The following STXBP5L variants were observed in gnomAD, a reference collection of about 807,000 sequenced individuals.
STXBP5L encodes the protein syntaxin-binding protein 5-like.
A neutral mutation model predicts 144.5 loss-of-function variants in STXBP5L; 65 were observed. The observed-to-expected ratio is 0.45, with a 90% CI of 0.37 to 0.55. The LOEUF (loss-of-function observed/expected upper bound fraction) is 0.55. STXBP5L is among the 20% of genes least tolerant of loss of function. The pLI is 0.00. For missense variants in STXBP5L, 1,298 were observed against 1,405.5 expected, an observed-to-expected ratio of 0.92 and a Z score of 1.22; for synonymous variants, 505 against 469.6, an observed-to-expected ratio of 1.08 and a Z score of -0.97.
In STXBP5L at chr3:121,142,581, A is replaced by G. The variant is rs558160859; in HGVS notation, c.670-9896A>G. On this transcript the variant is annotated intron_variant, in intron 7 of 26. Coordinates refer to ENST00000471454, the MANE Select transcript of STXBP5L (RefSeq NM_001308330.2). Reference sequence around the variant, plus strand: ...TTTCTGACCACAATGTAATAAAACTAGAAATCAATAGTGGAAGAAAACTCC... The same window carrying G: ...TTTCTGACCACAATGTAATAAAACTGGAAATCAATAGTGGAAGAAAACTCC... Among the ~76,000 whole-genome samples the G allele has an allele frequency of 3.3e-5, 5 of 152,138 alleles. No homozygotes were observed. In the East Asian group the frequency reaches 9.6e-4, roughly 29 times the overall value.
chr3:121,185,220 G>A (rs1309212415), intron 9 of STXBP5L, among the ~76,000 whole-genome samples: 1 of 152,184 alleles, frequency 6.6e-6, no homozygotes, highest in African/African-American at 2.4e-5. Flanking sequence ...TGAGTAGATT[G>A]CAAAAATTGT....
chr3:120,957,071 C>A (rs1170045514), intron 3 of STXBP5L, among the ~76,000 whole-genome samples: 2 of 151,914 alleles, frequency 1.3e-5, no homozygotes, highest in African/African-American at 4.8e-5. Flanking sequence ...CATTTGTTGA[C>A]AAGACTGTCT....
chr3:121,058,068 C>T (rs1468992295), intron 5 of STXBP5L, among the ~76,000 whole-genome samples: 3 of 152,098 alleles, frequency 2.0e-5, no homozygotes, highest in Admixed American at 6.6e-5. Flanking sequence ...TGGTGGTTTG[C>T]TGCACTCATC....
At chr3:121,174,004 C>T (rs2108073617) in intron 9 of STXBP5L, among the ~76,000 whole-genome samples, 1 of 152,122 alleles carries the variant, frequency 6.6e-6, no homozygotes, top group Non-Finnish European at 1.5e-5. Flanking sequence ...ATGCAATATG[C>T]TGGAGAGATG....
chr3:121,279,499 G>A (rs1247226624), intron 18 of STXBP5L, among the ~76,000 whole-genome samples: 1 of 151,862 alleles, frequency 6.6e-6, no homozygotes, highest in East Asian at 1.9e-4. Flanking sequence ...AAGGTTTTGT[G>A]TGATTCTTCT....
chr3:120,978,842 G>T lies in STXBP5L; in HGVS notation c.287+23805G>T, dbSNP rs560165211. Reference sequence around the variant, plus strand: ...CCTGTTTGCCTCGGTATCAGCAGCGGTGGCTGCAGAACAGCAGATTTTCGT... The same window carrying T: ...CCTGTTTGCCTCGGTATCAGCAGCGTTGGCTGCAGAACAGCAGATTTTCGT... On this transcript the variant is annotated intron_variant, in intron 3 of 26. Coordinates refer to ENST00000471454, the MANE Select transcript of STXBP5L (RefSeq NM_001308330.2). Among the ~76,000 whole-genome samples, 36 of 152,298 alleles carry T rather than the reference G, an allele frequency of 2.4e-4. 2 individuals carry two copies. Among genetic ancestry groups the T allele is most frequent in the Admixed American group, 2.2e-3 (33 of 15,298 alleles).
intron 5 of STXBP5L, among the ~76,000 whole-genome samples, chr3:121,090,392 A>G (rs751567738): frequency 2.5e-4 from 38 of 152,276 alleles, no homozygotes; most frequent in Non-Finnish European, 5.3e-4. Context: ...ACAAGGAAGA[A>G]TAAGAGTACC....
chr3:121,260,659 C>T (rs775689279), intron 18 of STXBP5L, among the ~76,000 whole-genome samples: 2 of 151,940 alleles, frequency 1.3e-5, no homozygotes, highest in African/African-American at 4.8e-5. Context: ...TTCCTGAATA[C>T]TTCATCTTTC....
At chr3:121,303,856 C>T (rs1177802700) in intron 19 of STXBP5L, among the ~76,000 whole-genome samples, 2 of 151,890 alleles carry the variant, frequency 1.3e-5, no homozygotes, top group Admixed American at 1.3e-4. Flanking sequence ...GGAAGGGGAA[C>T]ATCACACCCC....
intron 6 of STXBP5L, among the ~76,000 whole-genome samples, chr3:121,119,631 C>A (rs1362866480): frequency 6.6e-6 from 1 of 151,074 alleles, no homozygotes; most frequent in Non-Finnish European, 1.5e-5. Flanking sequence ...AATCCAAAGT[C>A]CACAGATGCT....
intron 20 of STXBP5L, among the ~76,000 whole-genome samples, chr3:121,359,981 T>TAC (rs2045655787): frequency 2.1e-5 from 1 of 47,500 alleles, no homozygotes; most frequent in Non-Finnish European, 5.2e-5. Flanking sequence ...TATAATATAA[T>TAC]ATATATAATA....
intron 19 of STXBP5L, among the ~76,000 whole-genome samples, chr3:121,313,757 G>A (rs1178153372): frequency 6.7e-5 from 9 of 134,752 alleles, no homozygotes; most frequent in African/African-American, 8.4e-5. Flanking sequence ...CCTCCCTCCC[G>A]GACGGGGTGG....
At chr3:120,958,485 T>C (rs948840940) in intron 3 of STXBP5L, among the ~76,000 whole-genome samples, 2 of 148,378 alleles carry the variant, frequency 1.3e-5, no homozygotes, top group African/African-American at 2.5e-5. Context: ...GTATCCCTGA[T>C]GAAGATCAAT....
chr3:121,325,774 C>A (rs1203865135), intron 20 of STXBP5L, among the ~76,000 whole-genome samples: 1 of 151,806 alleles, frequency 6.6e-6, no homozygotes, highest in Non-Finnish European at 1.5e-5. Flanking sequence ...TTAAAGCAAA[C>A]AAGGTATTTT....
In STXBP5L at chr3:121,413,129, G is replaced by T. The variant is rs1391386678; in HGVS notation, c.2949-29G>T. 2.0e-6 allele frequency: 3 copies of T among 1,521,122 alleles called. No individual in the cohort carries two copies. In the South Asian group the frequency reaches 4.1e-5, roughly 21 times the overall value. 94.2% of individuals were successfully genotyped at this position (1,521,122 alleles called of 1,614,324 possible). A position where few individuals can be genotyped will look rare whatever the true frequency, so the allele number is the denominator to read the frequency against. The stretch of plus-strand genomic sequence containing the variant: ...TATCTGCTTCTAACAACCTGCATAT[G>T]ATATATGGATTTACTTTTTTCCATT... On this transcript the variant is annotated intron_variant, in intron 23 of 26. Coordinates refer to ENST00000471454, the MANE Select transcript of STXBP5L (RefSeq NM_001308330.2).
chr3:121,286,781 GA>G (rs1480846657), intron 19 of STXBP5L, among the ~76,000 whole-genome samples: 20 of 151,340 alleles, frequency 1.3e-4, no homozygotes, highest in Admixed American at 9.9e-4. Context: ...CCCCAAAATA[GA>G]CAAAATAAAT....
At chr3:121,135,546 A>G (rs185162066) in intron 7 of STXBP5L, among the ~76,000 whole-genome samples, 2 of 152,272 alleles carry the variant, frequency 1.3e-5, no homozygotes, top group South Asian at 2.1e-4. Context: ...CAGGAATTAG[A>G]TACTCACAAG....
chr3:120,979,587 G>T (rs536037335), intron 3 of STXBP5L, among the ~76,000 whole-genome samples: 16 of 152,142 alleles, frequency 1.1e-4, no homozygotes, highest in Admixed American at 3.9e-4. Context: ...ACTCCCTAGT[G>T]AGATGAACCC....
intron 9 of STXBP5L, among the ~76,000 whole-genome samples, chr3:121,189,596 C>A (rs867426213): frequency 6.6e-6 from 1 of 152,182 alleles, no homozygotes; most frequent in Non-Finnish European, 1.5e-5. Flanking sequence ...TGTTTTGGAA[C>A]CAGTACCATG....
Sources: allele counts gnomAD v4.1 joint callset (sites outside exome capture counted in the v4.1 genomes callset), GRCh38; gene constraint gnomAD v4.1.1; transcripts MANE v1.5; gene names NCBI Gene and HGNC (gene_info 2026-07-23, HGNC 2026-07-21).